The following FHIT variants were observed in gnomAD, a reference collection of about 807,000 sequenced individuals.
The protein encoded by FHIT is fragile histidine triad diadenosine triphosphatase, also known as bis(5'-adenosyl)-triphosphatase.
FHIT carries 19 observed loss-of-function variants against 17.9 expected under a neutral mutation model. The ratio of observed to expected loss-of-function variants is 1.06; its 90% CI spans 0.74 to 1.56. The LOEUF is 1.56. Ranked by LOEUF, FHIT falls within the 40% of genes most tolerant of loss-of-function variation. The pLI is 0.00. For missense variants in FHIT, 248 were observed against 189.2 expected (o/e 1.31, Z -1.82); for synonymous variants, 81 against 69.7 (o/e 1.16, Z -0.81).
rs116940617 is a variant in FHIT at position 61,113,766 on chromosome 3, G to A, written c.-163-71667C>T. On this transcript the variant is annotated intron_variant, in intron 2 of 9. Coordinates refer to ENST00000492590, the MANE Select transcript of FHIT (RefSeq NM_002012.4). Reference sequence around the variant, plus strand: ...TCTAACATAACACATGATATACAGCGGATGCTCGATAAACATTTGAGGAAT... The same window carrying A: ...TCTAACATAACACATGATATACAGCAGATGCTCGATAAACATTTGAGGAAT... Among the ~76,000 whole-genome samples, 274 of 152,224 alleles carry A rather than the reference G, an allele frequency of 1.8e-3. 7 individuals are homozygous for A. The East Asian group carries it at 0.03, about 17-fold the overall frequency.
chr3:60,446,794 A>G (rs564739325), intron 5 of FHIT, among the ~76,000 whole-genome samples: 1 of 151,734 alleles, frequency 6.6e-6, no homozygotes, highest in African/African-American at 2.4e-5. Context: ...TTGAGGTTGC[A>G]GTGAGCTATG....
intron 4 of FHIT, among the ~76,000 whole-genome samples, chr3:60,674,613 C>T (rs568504568): frequency 2.6e-5 from 4 of 152,256 alleles, no homozygotes; most frequent in African/African-American, 9.6e-5. Context: ...TCAAATTTGT[C>T]CTTAGTTGTA....
chr3:60,388,440 A>G (rs1220342843), intron 5 of FHIT, among the ~76,000 whole-genome samples: 1 of 152,110 alleles, frequency 6.6e-6, no homozygotes, highest in Non-Finnish European at 1.5e-5. Context: ...TCTCTACAGA[A>G]AAAATACAAC....
chr3:61,098,670 C>T (rs1410815392), intron 2 of FHIT, among the ~76,000 whole-genome samples: 1 of 151,938 alleles, frequency 6.6e-6, no homozygotes, highest in African/African-American at 2.4e-5. Context: ...CTTTCACCTC[C>T]CTAGTTTGCT....
chr3:60,154,459 A>T (rs920828196), intron 5 of FHIT, among the ~76,000 whole-genome samples: 1 of 152,206 alleles, frequency 6.6e-6, no homozygotes, highest in Non-Finnish European at 1.5e-5. Flanking sequence ...AGAAACTCCA[A>T]TCAGGGCAAA....
intron 5 of FHIT, among the ~76,000 whole-genome samples, chr3:60,440,227 G>C (rs919070463): frequency 6.6e-6 from 1 of 152,052 alleles, no homozygotes; most frequent in Admixed American, 6.6e-5. Flanking sequence ...TTTCAAACAA[G>C]TAACTGGTAT....
chr3:59,906,064 T>A (rs1704572080), intron 8 of FHIT, among the ~76,000 whole-genome samples: 1 of 152,204 alleles, frequency 6.6e-6, no homozygotes. Context: ...AAGTTCACTA[T>A]CCTGTCTAAT....
At chr3:59,765,830 A>G (rs940082826) in intron 8 of FHIT, among the ~76,000 whole-genome samples, 6 of 152,242 alleles carry the variant, frequency 3.9e-5, no homozygotes, top group African/African-American at 1.4e-4. Flanking sequence ...AATGACCAAC[A>G]TCCCACCAGG....
At chr3:60,013,967 A>C (rs1700239054) in intron 6 of FHIT, 40 bp downstream of exon 6, 1 of 1,604,462 alleles carries the variant, frequency 6.2e-7, no homozygotes, top group African/African-American at 1.3e-5. Context: ...CGGGATATGA[A>C]AGGGAAGAAA....
chr3:60,323,367 G>T (rs1709520974), intron 5 of FHIT, among the ~76,000 whole-genome samples: 1 of 152,114 alleles, frequency 6.6e-6, no homozygotes, highest in Non-Finnish European at 1.5e-5. Context: ...AAAGCTAAAA[G>T]ACTCCTACTG....
intron 5 of FHIT, among the ~76,000 whole-genome samples, chr3:60,383,040 C>T (rs1700870803): frequency 6.6e-6 from 1 of 152,180 alleles, no homozygotes; most frequent in Admixed American, 6.5e-5. Flanking sequence ...ACAAACTCTA[C>T]TTAGTAGGCA....
intron 5 of FHIT, among the ~76,000 whole-genome samples, chr3:60,079,259 T>C (rs1442401332): frequency 6.6e-6 from 1 of 152,106 alleles, no homozygotes; most frequent in African/African-American, 2.4e-5. Flanking sequence ...GACAATGCTG[T>C]TCTAGGTCAG....
Position 60,226,966 on chromosome 3 carries a change from G to C in FHIT, c.104-212814C>G, listed in dbSNP as rs558665130. 3.9e-5 allele frequency among the ~76,000 whole-genome samples: 6 copies of C among 152,248 alleles called. No homozygotes were observed. The East Asian group carries it at 7.7e-4, about 20-fold the overall frequency. ...AAGGAAAATCAAAAGTCATTTCCAT[G>C]CACTGACATAAGAAAGCACTTAATC... On this transcript the variant is annotated intron_variant, in intron 5 of 9. Coordinates refer to ENST00000492590, the MANE Select transcript of FHIT (RefSeq NM_002012.4).
intron 5 of FHIT, among the ~76,000 whole-genome samples, chr3:60,230,897 T>C (rs200391904): frequency 6.6e-6 from 1 of 152,106 alleles, no homozygotes; most frequent in Non-Finnish European, 1.5e-5. Flanking sequence ...TTTTAGTAGA[T>C]ACGAAGTTTC....
intron 8 of FHIT, among the ~76,000 whole-genome samples, chr3:59,892,278 G>C (rs943382763): frequency 6.6e-6 from 1 of 152,198 alleles, no homozygotes; most frequent in Non-Finnish European, 1.5e-5. Context: ...GCGCTCAGGA[G>C]TCCAGTTCCC....
rs71089574 is a variant in FHIT at position 60,066,630 on chromosome 3, A to ATTTTTTTTTTTTTTTTTTTTT, written c.104-52499_104-52479dup. 1.8e-4 allele frequency among the ~76,000 whole-genome samples: 9 copies of ATTTTTTTTTTTTTTTTTTTTT among 51,422 alleles called. 2 individuals carry two copies. Among genetic ancestry groups the ATTTTTTTTTTTTTTTTTTTTT allele is most frequent in the Admixed American group, 3.6e-4 (1 of 2,816 alleles). The allele number at this position is 51,422 out of a possible 152,430, so 33.7% of individuals were successfully genotyped here. On this transcript the variant is annotated intron_variant, in intron 5 of 9. Transcript: ENST00000492590. ...ATAGGTTGATTTTAATCCCTGACAA[A>ATTTTTTTTTTTTTTTTTTTTT]TTTTTTTTTTTTTTTTTTTTTTTTT... is the stretch of plus-strand genomic sequence containing the variant.
chr3:59,785,043 C>T (rs1417984653), intron 8 of FHIT, among the ~76,000 whole-genome samples: 17 of 151,924 alleles, frequency 1.1e-4, no homozygotes, highest in Admixed American at 1.1e-3. Flanking sequence ...GCCCGAGCAA[C>T]AAGAGAGAGA....
At chr3:60,596,817 T>C (rs1343192010) in intron 4 of FHIT, among the ~76,000 whole-genome samples, 2 of 152,158 alleles carry the variant, frequency 1.3e-5, no homozygotes, top group African/African-American at 4.8e-5. Context: ...TGCTGGCTCT[T>C]ACCATCATCA....
At chr3:60,588,886 CAG>C (rs782258864) in intron 4 of FHIT, among the ~76,000 whole-genome samples, 2 of 151,978 alleles carry the variant, frequency 1.3e-5, no homozygotes, top group Non-Finnish European at 2.9e-5. Flanking sequence ...TTATGGAAGT[CAG>C]AAGTTTCCCA....
Sources: gnomAD v4.1 joint callset for allele counts (sites outside exome capture counted in the v4.1 genomes callset) on GRCh38, gnomAD v4.1.1 for gene constraint, MANE v1.5 for transcripts, NCBI Gene and HGNC (gene_info 2026-07-23, HGNC 2026-07-21) for gene names.